Variants in NDST1 observed in about 807,000 individuals in gnomAD.
NDST1 encodes bifunctional heparan sulfate N-deacetylase/N-sulfotransferase 1.
Under a neutral mutation model 92.8 loss-of-function variants are expected in NDST1, and 35 were observed. The ratio of observed to expected loss-of-function variants is 0.38; its 90% CI spans 0.29 to 0.50. The LOEUF (loss-of-function observed/expected upper bound fraction) is 0.50, where lower values mean the gene tolerates loss of function less well. NDST1 is among the 20% of genes least tolerant of loss of function. The pLI, the probability that NDST1 is intolerant of heterozygous loss-of-function variation, is 0.94. For synonymous variants in NDST1, 493 were observed against 500.3 expected (o/e 0.99, Z 0.19); for missense variants, 822 against 1,182.7 (o/e 0.69, Z 4.47).
At position 150,553,871 on chromosome 5, in the gene NDST1, C is replaced by A; in HGVS notation, c.*539C>A. The A allele has an allele frequency of 2.3e-6, 1 of 433,446 alleles. No homozygotes were observed. The highest frequency in any genetic ancestry group is 7.1e-5 in the South Asian group (1 of 14,118). 26.9% of individuals were successfully genotyped at this position (433,446 alleles called of 1,614,324 possible). ...AGGGTGGCCCCCTCAAGAGGACTCC[C>A]AGCCTCCACATCTGGTTCCTACCTT... On this transcript the variant is annotated 3_prime_UTR_variant, in exon 15 of 15. Transcript: ENST00000261797. The surrounding 1 kb of genome is among the most constrained non-coding windows in gnomAD (Gnocchi z 4.2).
chr5:150,536,865 C>T (rs952368082), intron 6 of NDST1, among the ~76,000 whole-genome samples: 1 of 152,262 alleles, frequency 6.6e-6, no homozygotes, highest in Non-Finnish European at 1.5e-5. Context: ...TGTGCCCAGC[C>T]TCACATCTAT....
chr5:150,501,402 G>T (rs1468351545), intron 1 of NDST1, among the ~76,000 whole-genome samples: 1 of 152,204 alleles, frequency 6.6e-6, no homozygotes, highest in Non-Finnish European at 1.5e-5. Context: ...ATGGCCAAAA[G>T]GAGAGGAAAA....
intron 2 of NDST1, 104 bp from the exon 3 acceptor site, chr5:150,527,700 G>C: frequency 6.5e-7 from 1 of 1,543,262 alleles, no homozygotes; most frequent in African/African-American, 1.4e-5. Context: ...ATGAATGTTG[G>C]TGAATATTGA....
intron 3 of NDST1, among the ~76,000 whole-genome samples, chr5:150,529,227 A>G (rs192797447): frequency 6.6e-5 from 10 of 151,982 alleles, no homozygotes; most frequent in African/African-American, 2.4e-4. Context: ...CCTTGTCTCT[A>G]CAAAAAATAA....
rs1302227483 is a variant in NDST1 at position 150,553,170 on chromosome 5, C to G, written c.2530-43C>G. On this transcript the variant is annotated intron_variant, in intron 14 of 14. Coordinates refer to ENST00000261797, the MANE Select transcript of NDST1 (RefSeq NM_001543.5). This position sits in a 1 kb window ranked among gnomAD's most constrained non-coding sequence, Gnocchi z 4.2. ...ATGGCGATTTTTAGAGGAGGTCACT[C>G]TTAAGTCAGTACACAAGGTCTGAGC... 9 of 1,603,422 alleles carry G rather than the reference C, an allele frequency of 5.6e-6. No individual in the cohort carries two copies. In the African/African-American group the frequency reaches 9.4e-5, roughly 17 times the overall value.
exon 1 of NDST1, chr5:150,498,084 G>A (rs1204369782): frequency 6.5e-6 from 1 of 152,712 alleles, no homozygotes; most frequent in African/African-American, 2.4e-5. Context: ...AGTGCTGACG[G>A]GGCCGTGTGC....
Position 150,527,841 on chromosome 5 carries a change from G to A in NDST1, c.551G>A (p.Gly184Asp). 1 of 1,614,078 alleles carries A rather than the reference G, an allele frequency of 6.2e-7. No homozygotes were observed. The highest frequency in any genetic ancestry group is 8.5e-7 in the Non-Finnish European group (1 of 1,180,030). The change falls in exon 3 of 15, where the codon GGC (glycine) becomes GAC (aspartate). Residue 184 changes from glycine to aspartate, a missense_variant. Coordinates refer to ENST00000261797, the MANE Select transcript of NDST1 (RefSeq NM_001543.5). ...ENSLLSAQLKGFPLFLHSNLG... is the reference protein window; with the variant it reads ...ENSLLSAQLKDFPLFLHSNLG... Reference sequence around the variant, plus strand: ...AGCCTGCTGAGTGCGCAGCTCAAGGGCTTCCCCCTGTTCCTGCACTCAAAC... The same window carrying A: ...AGCCTGCTGAGTGCGCAGCTCAAGGACTTCCCCCTGTTCCTGCACTCAAAC...
At chr5:150,516,881 G>T (rs1428549069) in intron 1 of NDST1, among the ~76,000 whole-genome samples, 1 of 151,912 alleles carries the variant, frequency 6.6e-6, no homozygotes, top group Non-Finnish European at 1.5e-5. Flanking sequence ...GGTCAGGCCG[G>T]TCTTGAACTC....
Position 150,528,030 on chromosome 5 carries a change from A to G in NDST1, c.740A>G (p.Glu247Gly), listed in dbSNP as rs1754548736. 4.3e-6 allele frequency: 7 copies of G among 1,613,688 alleles called. No homozygotes were observed. The South Asian group carries it at 6.6e-5, about 15-fold the overall frequency. Residue 247 changes from glutamate (E) to glycine (G), a missense_variant, in exon 3 of 15, where the codon GAG (glutamate) becomes GGG (glycine). Coordinates refer to ENST00000261797, the MANE Select transcript of NDST1 (RefSeq NM_001543.5). ...PVLLAKTRSS[E>G]SIPHLGADAG... ...CTGCTGGCCAAGACGCGCTCGTCTG[A>G]GTCCATCCCACACCTGGGCGCAGAC... is the stretch of plus-strand genomic sequence containing the variant.
At chr5:150,523,722 C>T (rs558739887) in intron 2 of NDST1, among the ~76,000 whole-genome samples, 9 of 152,246 alleles carry the variant, frequency 5.9e-5, no homozygotes, top group Middle Eastern at 3.4e-3. Context: ...GGCCATTGGG[C>T]GTAATTGGTA....
At chr5:150,543,827 T>A (rs934412594) in intron 10 of NDST1, among the ~76,000 whole-genome samples, 1 of 152,028 alleles carries the variant, frequency 6.6e-6, no homozygotes, top group African/African-American at 2.4e-5. Flanking sequence ...TCACCCAGGC[T>A]GCAGTGCAGT....
At chr5:150,506,188 G>A (rs1418757732), upstream of NDST1, among the ~76,000 whole-genome samples, 2 of 152,302 alleles carry the variant, frequency 1.3e-5, no homozygotes, top group Non-Finnish European at 2.9e-5. Context: ...TGGGCTTACT[G>A]TAGCCTCAAC....
At chr5:150,516,714 G>A (rs190352060) in intron 1 of NDST1, among the ~76,000 whole-genome samples, 93 of 152,258 alleles carry the variant, frequency 6.1e-4, no homozygotes, top group African/African-American at 2.1e-3. Flanking sequence ...TGCCCAGGCT[G>A]GAGTACGGTG....
chr5:150,535,235 A>G, intron 5 of NDST1: 1 of 887,444 alleles, frequency 1.1e-6, no homozygotes, highest in Non-Finnish European at 1.4e-6. Flanking sequence ...AGGCTCAGGG[A>G]GGTCACACCA....
rs1238765331 is a variant in NDST1 at position 150,535,003 on chromosome 5, G to A, written c.1233G>A (p.Leu411=). ...CCGTGTTGGCCGAGCAGATGGCCTT[G>A]AACAAGAAGTTCGCTGTCGTGAGTA... ...NQSVLAEQMA[L]NKKFAVEHGI... is the part of the protein sequence containing the mutation. The change falls in exon 5 of 15, where the codon TTG becomes TTA. Residue 411 remains leucine (L), a synonymous_variant. Transcript: ENST00000261797. 2 of 1,614,206 alleles carry A rather than the reference G, an allele frequency of 1.2e-6. No individual in the cohort carries two copies. The highest frequency in any genetic ancestry group is 3.3e-5 in the Admixed American group (2 of 60,026).
At chr5:150,507,261 C>A (rs959422285), upstream of NDST1, among the ~76,000 whole-genome samples, 4 of 151,254 alleles carry the variant, frequency 2.6e-5, no homozygotes, top group African/African-American at 9.7e-5. Context: ...CACGTATAAA[C>A]ATACCTTTTT....
intron 1 of NDST1, among the ~76,000 whole-genome samples, chr5:150,509,711 G>T (rs567873872): frequency 6.6e-6 from 1 of 152,226 alleles, no homozygotes; most frequent in Non-Finnish European, 1.5e-5. Flanking sequence ...GGGTTTCACC[G>T]TGTTAGCCAG....
Position 150,555,341 on chromosome 5 carries a change from G to C in NDST1, c.*2009G>C, listed in dbSNP as rs893198223. ...CCCTCGAGGGGTCCTTCCCCAGCCT[G>C]TGGGGGCCTGGGTCTGTTCTGAGCT... On this transcript the variant is annotated 3_prime_UTR_variant, in exon 15 of 15. Coordinates refer to ENST00000261797, the MANE Select transcript of NDST1 (RefSeq NM_001543.5). The C allele has an allele frequency of 2.0e-5, 3 of 152,838 alleles. No homozygotes were observed. Among genetic ancestry groups the C allele is most frequent in the African/African-American group, 4.8e-5 (2 of 41,478 alleles). 9.5% of individuals were successfully genotyped at this position (152,838 alleles called of 1,614,324 possible).
In NDST1 at chr5:150,553,636, A is replaced by G. The variant is rs1408436080; in HGVS notation, c.*304A>G. The G allele has an allele frequency of 4.6e-6, 2 of 430,936 alleles. No homozygotes were observed. Among genetic ancestry groups the G allele is most frequent in the Non-Finnish European group, 8.8e-6 (2 of 228,062 alleles). 26.7% of individuals were successfully genotyped at this position (430,936 alleles called of 1,614,324 possible). A position where few individuals can be genotyped will look rare whatever the true frequency, so the allele number is the denominator to read the frequency against. ...TCCACGAGACTCTTTTCTGTCCCTC[A>G]CTGTGTTCCGCCGACTGTCCCCTCT... On this transcript the variant is annotated 3_prime_UTR_variant, in exon 15 of 15. Coordinates refer to ENST00000261797, the MANE Select transcript of NDST1 (RefSeq NM_001543.5). This position sits in a 1 kb window ranked among gnomAD's most constrained non-coding sequence, Gnocchi z 4.2.
Sources: allele counts gnomAD v4.1 joint callset (sites outside exome capture counted in the v4.1 genomes callset), GRCh38; gene constraint gnomAD v4.1.1; non-coding constraint Gnocchi (gnomAD v3.1); transcripts MANE v1.5; gene names NCBI Gene and HGNC (gene_info 2026-07-23, HGNC 2026-07-21).